Variants in ZNF181 observed in about 807,000 individuals in gnomAD.
ZNF181 encodes zinc finger protein 181 (HHZ181).
In ZNF181, 8 loss-of-function variants were observed where a neutral mutation model predicts 11.9. The observed-to-expected ratio is 0.67, with a 90% CI of 0.39 to 1.21. The LOEUF (loss-of-function observed/expected upper bound fraction) is 1.21. ZNF181 is among the 50% of genes most tolerant of loss of function. The probability of loss-of-function intolerance (pLI) is 0.01; values close to 1 mark genes in which losing one functional copy is unlikely to be tolerated. For synonymous variants in ZNF181, 202 were observed against 221.1 expected (o/e 0.91, Z 0.77); for missense variants, 542 against 670.9 (o/e 0.81, Z 2.12).
In ZNF181 at chr19:34,740,567, T is replaced by TAA. The variant is rs11426796; in HGVS notation, c.230-36_230-35dup. ...ATTTAGAAGTTTCTTTTCAAATAGT[T>TAA]AAAAAAAAACAAAACAGTGCTTTGC... On this transcript the variant is annotated intron_variant, in intron 3 of 3. Coordinates refer to ENST00000492450, the MANE Select transcript of ZNF181 (RefSeq NM_001029997.4). 8,722 of 1,365,486 alleles carry TAA rather than the reference T, an allele frequency of 6.4e-3. 2 individuals are homozygous for TAA. Among genetic ancestry groups the TAA allele is most frequent in the Middle Eastern group, 0.015 (79 of 5,190 alleles). The allele number at this position is 1,365,486 out of a possible 1,614,324, so 84.6% of individuals were successfully genotyped here. A position where few individuals can be genotyped will look rare whatever the true frequency, so the allele number is the denominator to read the frequency against.
In ZNF181 at chr19:34,739,509, AT is replaced by A. The variant is rs1473730207; in HGVS notation, c.131-12del. ...AGGACCACGGCTTAAACAATTCTGT[AT>A]TCTTCCTGTAAGCAGGTCTTTCTGT... On this transcript the variant is annotated splice_polypyrimidine_tract_variant and intron_variant, in intron 2 of 3. Transcript: ENST00000492450. The A allele has an allele frequency of 1.9e-6, 3 of 1,613,814 alleles. No homozygotes were observed. Among genetic ancestry groups the A allele is most frequent in the Non-Finnish European group, 1.7e-6 (2 of 1,179,862 alleles).
At position 34,745,255 on chromosome 19, in the gene ZNF181, T is replaced by C. The variant is rs1421343314; in HGVS notation, c.*3158T>C. 6.6e-6 allele frequency: 1 copy of C among 152,188 alleles called. No homozygotes were observed. The highest frequency in any genetic ancestry group is 1.9e-4 in the East Asian group (1 of 5,180). 9.4% of individuals were successfully genotyped at this position (152,188 alleles called of 1,614,324 possible). On this transcript the variant is annotated 3_prime_UTR_variant, in exon 4 of 4. Coordinates refer to ENST00000492450, the MANE Select transcript of ZNF181 (RefSeq NM_001029997.4). ...TGAACAGCATTAAACTTTGGAGTCA[T>C]GTTACCTGGGTTTAAATCCAAGTTG...
chr19:34,738,698 T>A (rs987446234), intron 1 of ZNF181, among the ~76,000 whole-genome samples: 2 of 152,020 alleles, frequency 1.3e-5, no homozygotes, highest in African/African-American at 2.4e-5. Context: ...CAGCTGCCCA[T>A]TTTTTGTGAG....
intron 2 of ZNF181, 52 bp from the exon 3 acceptor site, chr19:34,739,471 C>T (rs1407682424): frequency 7.5e-6 from 12 of 1,605,944 alleles, no homozygotes; most frequent in Non-Finnish European, 1.0e-5. Flanking sequence ...CTTGTGATGG[C>T]CTCTCATAAT....
rs1201762356 is a variant in ZNF181 at position 34,734,995 on chromosome 19, G to C, written c.-43G>C. On this transcript the variant is annotated 5_prime_UTR_variant, in exon 1 of 4. Coordinates refer to ENST00000492450, the MANE Select transcript of ZNF181 (RefSeq NM_001029997.4). ...GACACTGCCCATCTCTAAGATAAGA[G>C]CCTGGAAAGAGGACTCTGTTGGCTG... The C allele has an allele frequency of 3.2e-6, 5 of 1,569,686 alleles. No homozygotes were observed. The South Asian group carries it at 4.7e-5, about 15-fold the overall frequency.
In ZNF181 at chr19:34,745,282, A is replaced by G. The variant is rs1337785728; in HGVS notation, c.*3185A>G. The stretch of plus-strand genomic sequence containing the variant: ...TTACCTGGGTTTAAATCCAAGTTGC[A>G]TGAATACTGGCTTTGTGTGACCTTG... On this transcript the variant is annotated 3_prime_UTR_variant, in exon 4 of 4. Coordinates refer to ENST00000492450, the MANE Select transcript of ZNF181 (RefSeq NM_001029997.4). 6.6e-6 allele frequency: 1 copy of G among 152,206 alleles called. No homozygotes were observed. Among genetic ancestry groups the G allele is most frequent in the Non-Finnish European group, 1.5e-5 (1 of 68,038 alleles). The allele number at this position is 152,206 out of a possible 1,614,324, so 9.4% of individuals were successfully genotyped here.
chr19:34,740,754 G>A lies in ZNF181; in HGVS notation c.373G>A (p.Glu125Lys), dbSNP rs1368240847. ...SNSKKNLEYI[E>K]KLEGKHGSQV... Reference sequence around the variant, plus strand: ...TTCTAAGAAGAATTTGGAATATATAGAGAAGTTGGAAGGGAAGCATGGAAG... The same window carrying A: ...TTCTAAGAAGAATTTGGAATATATAAAGAAGTTGGAAGGGAAGCATGGAAG... The change falls in exon 4 of 4, where the codon GAG becomes AAG. Residue 125 changes from glutamate to lysine, a missense_variant. Glu to Lys is a moderately conservative substitution (Grantham distance 56). Coordinates refer to ENST00000492450, the MANE Select transcript of ZNF181 (RefSeq NM_001029997.4). The A allele has an allele frequency of 1.2e-6, 2 of 1,613,862 alleles. No individual in the cohort carries two copies. The highest frequency in any genetic ancestry group is 3.3e-5 in the Admixed American group (2 of 59,970).
Position 34,740,941 on chromosome 19 carries a change from T to C in ZNF181, c.560T>C (p.Ile187Thr), listed in dbSNP as rs1390777923. ...GAAGGGAATTCACACAAATATGATA[T>C]ATTAAAGAAGAACTTACCAAAAAAG... Reference protein sequence around the residue: ...SAEGNSHKYDILKKNLPKKSV... With the variant: ...SAEGNSHKYDTLKKNLPKKSV... The change falls in exon 4 of 4, where the codon ATA becomes ACA. Residue 187 changes from isoleucine (I) to threonine (T), a missense_variant. Ile to Thr is a moderately conservative substitution (Grantham distance 89). Coordinates refer to ENST00000492450, the MANE Select transcript of ZNF181 (RefSeq NM_001029997.4). 3 of 1,613,680 alleles carry C rather than the reference T, an allele frequency of 1.9e-6. No homozygotes were observed. The highest frequency in any genetic ancestry group is 2.2e-5 in the East Asian group (1 of 44,882).
intron 1 of ZNF181, among the ~76,000 whole-genome samples, chr19:34,737,360 C>A (rs927345537): frequency 1.3e-5 from 2 of 152,148 alleles, no homozygotes; most frequent in Non-Finnish European, 2.9e-5. Flanking sequence ...TAATGTAATA[C>A]AATGCTGAAT....
rs1192789611 is a variant in ZNF181 at position 34,734,538 on chromosome 19, TG to T, written c.-499del. On this transcript the variant is annotated 5_prime_UTR_variant, in exon 1 of 4. An upstream open reading frame in the 5' UTR gains an earlier in-frame stop. Transcript: ENST00000492450. Reference sequence around the variant, plus strand: ...CGACCTCTTGGCGCTGTTGTGAGAGTGAAGTGGGCGCGTGGTTAGACGCCAG... The same window carrying T: ...CGACCTCTTGGCGCTGTTGTGAGAGTAAGTGGGCGCGTGGTTAGACGCCAG... 6.5e-6 allele frequency: 1 copy of T among 153,994 alleles called. No individual in the cohort carries two copies. The highest frequency in any genetic ancestry group is 2.4e-5 in the African/African-American group (1 of 41,398). The allele number at this position is 153,994 out of a possible 1,614,324, so 9.5% of individuals were successfully genotyped here.
At chr19:34,735,163 T>C (rs1395966146) in intron 1 of ZNF181, 117 bp downstream of exon 1, 1 of 1,182,104 alleles carries the variant, frequency 8.5e-7, no homozygotes, top group Non-Finnish European at 1.2e-6. Context: ...GATCCATGGT[T>C]CCTTTCAGTA....
At chr19:34,738,651 C>G (rs1248248585) in intron 1 of ZNF181, among the ~76,000 whole-genome samples, 8 of 151,948 alleles carry the variant, frequency 5.3e-5, no homozygotes, top group Admixed American at 5.2e-4. Flanking sequence ...CCTCAGCCTC[C>G]CAAGTAGTTG....
Position 34,743,707 on chromosome 19 carries a change from G to A in ZNF181, c.*1610G>A, listed in dbSNP as rs1001169493. The A allele has an allele frequency of 3.3e-5, 5 of 152,188 alleles. No individual in the cohort carries two copies. Among genetic ancestry groups the A allele is most frequent in the African/African-American group, 9.7e-5 (4 of 41,434 alleles). 9.4% of individuals were successfully genotyped at this position (152,188 alleles called of 1,614,324 possible). A position where few individuals can be genotyped will look rare whatever the true frequency, so the allele number is the denominator to read the frequency against. On this transcript the variant is annotated 3_prime_UTR_variant, in exon 4 of 4. Transcript: ENST00000492450. ...TTCTCTATCCCTGAGTCATAGTTAC[G>A]GGAGTTTACCTTGAAATCACTAGCC...
rs745307801 is a variant in ZNF181 at position 34,741,208 on chromosome 19, A to G, written c.827A>G (p.His276Arg). ...ECRECGKTFS[H>R]GSSLTRHLIS... ...CGTGAATGTGGGAAGACTTTTAGCC[A>G]TGGCTCATCCCTTACACGACATCTG... The change falls in exon 4 of 4, where the codon CAT becomes CGT. Residue 276 changes from histidine to arginine, a missense_variant. Coordinates refer to ENST00000492450, the MANE Select transcript of ZNF181 (RefSeq NM_001029997.4). 7.2e-5 allele frequency: 117 copies of G among 1,613,982 alleles called. No homozygotes were observed. Among genetic ancestry groups the G allele is most frequent in the Non-Finnish European group, 9.6e-5 (113 of 1,179,964 alleles).
chr19:34,739,107 G>A, intron 1 of ZNF181, 41 bp from the exon 2 acceptor site: 1 of 1,612,350 alleles, frequency 6.2e-7, no homozygotes, highest in Non-Finnish European at 8.5e-7. Context: ...GACAGAAGAG[G>A]CCTGGGCTAT....
chr19:34,738,644 C>A (rs1262294759), intron 1 of ZNF181, among the ~76,000 whole-genome samples: 2 of 151,784 alleles, frequency 1.3e-5, no homozygotes, highest in Non-Finnish European at 2.9e-5. Context: ...TCTCCTGCCT[C>A]AGCCTCCCAA....
chr19:34,737,487 A>G (rs1268646876), intron 1 of ZNF181, among the ~76,000 whole-genome samples: 1 of 152,282 alleles, frequency 6.6e-6, no homozygotes, highest in Admixed American at 6.5e-5. Context: ...TTGACTAGCC[A>G]ATAAACTATT....
intron 1 of ZNF181, among the ~76,000 whole-genome samples, chr19:34,735,746 C>T (rs2145412833): frequency 6.6e-6 from 1 of 152,308 alleles, no homozygotes; most frequent in Admixed American, 6.5e-5. Flanking sequence ...CCTTCTCTGC[C>T]TCCTCATTCC....
rs113273419 is a variant in ZNF181, at chr19:34,743,886, A to G, written c.*1789A>G. The G allele has an allele frequency of 2.0e-5, 3 of 152,226 alleles. No individual in the cohort carries two copies. The highest frequency in any genetic ancestry group is 4.4e-5 in the Non-Finnish European group (3 of 68,038). 9.4% of individuals were successfully genotyped at this position (152,226 alleles called of 1,614,324 possible). ...TTTGTAAGGAGGCAGGATGGCTTCAAATATTCTAAGTTCTAGATAAGAAAT... is the reference window on the plus strand; with the variant it reads ...TTTGTAAGGAGGCAGGATGGCTTCAGATATTCTAAGTTCTAGATAAGAAAT... On this transcript the variant is annotated 3_prime_UTR_variant, in exon 4 of 4. Coordinates refer to ENST00000492450, the MANE Select transcript of ZNF181 (RefSeq NM_001029997.4).
Sources: allele counts gnomAD v4.1 joint callset (sites outside exome capture counted in the v4.1 genomes callset), GRCh38; gene constraint gnomAD v4.1.1; transcripts MANE v1.5; gene names NCBI Gene and HGNC (gene_info 2026-07-23, HGNC 2026-07-21).